MGMT: variants seen among roughly 807,000 people sequenced by gnomAD.
MGMT encodes methylated-DNA--protein-cysteine methyltransferase.
A neutral mutation model predicts 15.9 loss-of-function variants in MGMT; 14 were observed. The ratio of observed to expected loss-of-function variants is 0.88; its 90% CI spans 0.58 to 1.37. The LOEUF (loss-of-function observed/expected upper bound fraction) is 1.37. Ranked by LOEUF, MGMT falls within the 40% of genes most tolerant of loss-of-function variation. The probability of loss-of-function intolerance (pLI) is 0.00; values close to 1 mark genes in which losing one functional copy is unlikely to be tolerated. For missense variants in MGMT, 282 were observed against 268.1 expected, an observed-to-expected ratio of 1.05 and a Z score of -0.36; for synonymous variants, 130 against 118.2, an observed-to-expected ratio of 1.10 and a Z score of -0.65.
At position 129,582,853 on chromosome 10, in the gene MGMT, G is replaced by A. The variant is rs148764309; in HGVS notation, c.125+46476G>A. Among the ~76,000 whole-genome samples, 355 of 152,284 alleles carry A rather than the reference G, an allele frequency of 2.3e-3. 1 individual carries two copies. The highest frequency in any genetic ancestry group is 8.1e-3 in the African/African-American group (338 of 41,546). ...CGACTTCATATTGACTGCAGGCCCT[G>A]TGGACAGAAAGAATTATTTCTTTTT... On this transcript the variant is annotated intron_variant, in intron 2 of 4. Coordinates refer to ENST00000651593, the MANE Select transcript of MGMT (RefSeq NM_002412.5).
intron 1 of MGMT, among the ~76,000 whole-genome samples, chr10:129,483,211 C>T (rs1289441255): frequency 6.6e-6 from 1 of 152,160 alleles, no homozygotes; most frequent in Non-Finnish European, 1.5e-5. Flanking sequence ...TTCTCTCATC[C>T]CATTTTTTGT....
intron 2 of MGMT, among the ~76,000 whole-genome samples, chr10:129,540,498 T>G (rs1429524812): frequency 1.3e-5 from 2 of 152,232 alleles, no homozygotes; most frequent in Non-Finnish European, 2.9e-5. Context: ...CTCCCCATGT[T>G]GGGTTTCAGA....
intron 1 of MGMT, among the ~76,000 whole-genome samples, chr10:129,534,487 C>A (rs1013437950): frequency 6.6e-6 from 1 of 152,036 alleles, no homozygotes; most frequent in East Asian, 1.9e-4. Context: ...AGGATTGAAT[C>A]TTGAGAGTAA....
At chr10:129,607,672 A>G (rs1846908312) in intron 2 of MGMT, among the ~76,000 whole-genome samples, 1 of 152,200 alleles carries the variant, frequency 6.6e-6, no homozygotes, top group Non-Finnish European at 1.5e-5. Flanking sequence ...TTGAAATGCC[A>G]TGTCAACCCT....
chr10:129,640,317 C>G (rs1454698032), intron 2 of MGMT, among the ~76,000 whole-genome samples: 1 of 152,102 alleles, frequency 6.6e-6, no homozygotes, highest in Non-Finnish European at 1.5e-5. Flanking sequence ...AGGCTGGTCT[C>G]AAACTCCTGG....
rs1245144043 is a variant in MGMT at position 129,575,861 on chromosome 10, C to T, written c.125+39484C>T. 4.5e-3 allele frequency among the ~76,000 whole-genome samples: 676 copies of T among 151,836 alleles called. 5 individuals carry two copies. Among genetic ancestry groups the T allele is most frequent in the African/African-American group, 0.015 (634 of 41,436 alleles). ...AAAATGACAAAGGGGATATCACCAC[C>T]GATCCCACAGAAATACAAACTACCA... On this transcript the variant is annotated intron_variant, in intron 2 of 4. Coordinates refer to ENST00000651593, the MANE Select transcript of MGMT (RefSeq NM_002412.5).
chr10:129,685,654 G>A (rs2133123551), intron 2 of MGMT, among the ~76,000 whole-genome samples: 1 of 152,300 alleles, frequency 6.6e-6, no homozygotes, highest in Non-Finnish European at 1.5e-5. Flanking sequence ...GTTAATCCTA[G>A]GTGTTTTCAG....
chr10:129,624,740 G>T (rs1299391664), intron 2 of MGMT, among the ~76,000 whole-genome samples: 1 of 152,216 alleles, frequency 6.6e-6, no homozygotes, highest in Non-Finnish European at 1.5e-5. Flanking sequence ...ACCCAGTGGA[G>T]ACTCAGATGA....
intron 2 of MGMT, among the ~76,000 whole-genome samples, chr10:129,648,242 T>G (rs1847419136): frequency 6.6e-6 from 1 of 152,234 alleles, no homozygotes; most frequent in Non-Finnish European, 1.5e-5. Flanking sequence ...GTAGAGATTT[T>G]GACCTCAATA....
At position 129,769,612 on chromosome 10, in the gene MGMT, A is replaced by G. The variant is rs1454021965; in HGVS notation, c.*2615A>G. On this transcript the variant is annotated 3_prime_UTR_variant, in exon 5 of 5. Transcript: ENST00000651593. ...CCAGAGAGATGAGAGAGTCAGAAGT[A>G]ATACTTGTTTTTGCAGAACCACACT... 6.6e-6 allele frequency among the ~76,000 whole-genome samples: 1 copy of G among 151,932 alleles called. No homozygotes were observed. Among genetic ancestry groups the G allele is most frequent in the Non-Finnish European group, 1.5e-5 (1 of 68,012 alleles).
At chr10:129,744,960 A>G (rs1005945472) in intron 3 of MGMT, among the ~76,000 whole-genome samples, 2 of 152,084 alleles carry the variant, frequency 1.3e-5, no homozygotes, top group African/African-American at 4.8e-5. Context: ...TGTCTACTCT[A>G]GGTCATCCAC....
At chr10:129,612,652 C>T (rs1846975295) in intron 2 of MGMT, among the ~76,000 whole-genome samples, 1 of 152,196 alleles carries the variant, frequency 6.6e-6, no homozygotes, top group South Asian at 2.1e-4. Flanking sequence ...AACTGTGCTC[C>T]TCCTAAAGCC....
intron 3 of MGMT, among the ~76,000 whole-genome samples, chr10:129,751,610 A>T (rs1848751279): frequency 6.6e-6 from 1 of 151,682 alleles, no homozygotes; most frequent in African/African-American, 2.4e-5. Context: ...AGTTTAGATT[A>T]TTGAGACCTT....
intron 2 of MGMT, among the ~76,000 whole-genome samples, chr10:129,646,754 A>ATATATATATATATATTTTTTTTTTTT: frequency 2.3e-5 from 2 of 86,660 alleles, no homozygotes; most frequent in Non-Finnish European, 5.1e-5. Flanking sequence ...ATATATATAT[A>ATATATATATATATATTTTTTTTTTTT]TTTTCAGGGA....
intron 4 of MGMT, among the ~76,000 whole-genome samples, chr10:129,763,283 G>C (rs1848895950): frequency 6.6e-6 from 1 of 152,162 alleles, no homozygotes; most frequent in South Asian, 2.1e-4. Context: ...CAGATCCTTT[G>C]AAAATGTCCT....
chr10:129,731,926 GC>G lies in MGMT; in HGVS notation c.274+23888del, dbSNP rs1325573078. Among the ~76,000 whole-genome samples the G allele has an allele frequency of 2.6e-5, 4 of 152,004 alleles. 1 individual carries two copies. Among genetic ancestry groups the G allele is most frequent in the African/African-American group, 9.7e-5 (4 of 41,374 alleles). ...ATCCGTTGTGTTGTCACATCACGTA[GC>G]CCCCAGAAAACTCTTTTGTCACCTG... On this transcript the variant is annotated intron_variant, in intron 3 of 4. Transcript: ENST00000651593.
chr10:129,476,511 C>A lies in MGMT; in HGVS notation c.-13+9215C>A, dbSNP rs1184017860. ...CAGCTCCGTGGTCTCCAGGGGTGTC[C>A]TGGGTTCCCAGGAATCCCATGGCTC... On this transcript the variant is annotated intron_variant, in intron 1 of 4. Coordinates refer to ENST00000651593, the MANE Select transcript of MGMT (RefSeq NM_002412.5). Among the ~76,000 whole-genome samples the A allele has an allele frequency of 2.0e-5, 3 of 152,158 alleles. 1 individual carries two copies. Among genetic ancestry groups the A allele is most frequent in the Non-Finnish European group, 4.4e-5 (3 of 68,020 alleles).
At chr10:129,754,305 G>T (rs1000440818) in intron 3 of MGMT, among the ~76,000 whole-genome samples, 1 of 152,108 alleles carries the variant, frequency 6.6e-6, no homozygotes, top group East Asian at 1.9e-4. Context: ...TCCCCACTCC[G>T]CTAAACTCTT....
chr10:129,692,811 C>T (rs1020320319), intron 2 of MGMT, among the ~76,000 whole-genome samples: 3 of 152,170 alleles, frequency 2.0e-5, no homozygotes, highest in African/African-American at 7.2e-5. Flanking sequence ...TGGAGGGAGA[C>T]AGGCTGTCTT....
Sources: gnomAD v4.1 joint callset for allele counts (sites outside exome capture counted in the v4.1 genomes callset) on GRCh38, gnomAD v4.1.1 for gene constraint, MANE v1.5 for transcripts, NCBI Gene and HGNC (gene_info 2026-07-23, HGNC 2026-07-21) for gene names.